GIPC1: variants seen among roughly 807,000 people sequenced by gnomAD.
GIPC1 encodes PDZ domain-containing protein GIPC1.
Under a neutral mutation model 28.5 loss-of-function variants are expected in GIPC1, and 15 were observed. The ratio of observed to expected loss-of-function variants is 0.53; its 90% CI spans 0.35 to 0.81. The LOEUF (loss-of-function observed/expected upper bound fraction) is 0.81, where lower values mean the gene tolerates loss of function less well. Among genes scored for constraint, GIPC1 ranks in the 30% least tolerant of loss-of-function variants. GIPC1 has a pLI of 0.01. For missense variants in GIPC1, 439 were observed against 481.9 expected (o/e 0.91, Z 0.83); for synonymous variants, 224 against 206.1 (o/e 1.09, Z -0.74).
chr19:14,480,444 G>C lies in GIPC1; in HGVS notation c.516C>G (p.Ile172Met), dbSNP rs936524656. ...TGGCCTCGATCATGTCGCCCACGCT[G>C]ATGAGGTGGATGTGGTCGATCACGC... ...EGSVIDHIHL[I>M]SVGDMIEAIN... The change falls in exon 6 of 9, where the codon ATC (isoleucine) becomes ATG (methionine). Residue 172 changes from isoleucine to methionine, a missense_variant. Ile to Met is a conservative substitution (Grantham distance 10). Coordinates refer to ENST00000393033, the MANE Select transcript of GIPC1 (RefSeq NM_005716.4). 1 of 1,613,786 alleles carries C rather than the reference G, an allele frequency of 6.2e-7. No homozygotes were observed. The highest frequency in any genetic ancestry group is 8.5e-7 in the Non-Finnish European group (1 of 1,179,820).
chr19:14,479,984 G>A, intron 6 of GIPC1: 1 of 502,496 alleles, frequency 2.0e-6, no homozygotes, highest in Non-Finnish European at 3.5e-6. Context: ...AGATGGAAAA[G>A]TGGGGGGGCT....
rs529043600 is a variant in GIPC1, at chr19:14,488,382, C to T, written c.-31+3274G>A. Among the ~76,000 whole-genome samples the T allele has an allele frequency of 1.9e-4, 29 of 150,730 alleles. No individual in the cohort carries two copies. The South Asian group carries it at 5.5e-3, about 28-fold the overall frequency. On this transcript the variant is annotated intron_variant, in intron 3 of 8. Coordinates refer to ENST00000393033, the MANE Select transcript of GIPC1 (RefSeq NM_005716.4). ...GGGAGAATCACTTGAATGCAGGAGG[C>T]GGAGGTTGCAGTGAGCCGAGATCAC...
intron 3 of GIPC1, among the ~76,000 whole-genome samples, chr19:14,484,247 T>C (rs1369321583): frequency 6.6e-6 from 1 of 151,650 alleles, no homozygotes; most frequent in Non-Finnish European, 1.5e-5. Context: ...GCGATTCTCT[T>C]GTCTCAGCCT....
chr19:14,478,615 A>G lies in GIPC1; in HGVS notation c.851-48T>C, dbSNP rs1173801737. 2 of 1,612,910 alleles carry G rather than the reference A, an allele frequency of 1.2e-6. No individual in the cohort carries two copies. The highest frequency in any genetic ancestry group is 2.2e-5 in the East Asian group (1 of 44,830). ...GGAGGCACAAATGACACCAGGGACC[A>G]AGGGGCTCAGGGTGGATTCGGCCCC... On this transcript the variant is annotated intron_variant, in intron 8 of 8. Transcript: ENST00000393033. This position sits in a 1 kb window ranked among gnomAD's most constrained non-coding sequence, Gnocchi z 5.2.
In GIPC1 at chr19:14,482,977, G is replaced by T; in HGVS notation, c.-1C>A. The T allele has an allele frequency of 6.2e-7, 1 of 1,609,956 alleles. No homozygotes were observed. ...TCCGCCGCCCCAGTCCCAGCGGCAT[G>T]AGCAGCGAGAAGTGGGGTCACCAGA... On this transcript the variant is annotated 5_prime_UTR_variant, in exon 4 of 9. Coordinates refer to ENST00000393033, the MANE Select transcript of GIPC1 (RefSeq NM_005716.4).
At chr19:14,487,877 T>G (rs1599358977) in intron 3 of GIPC1, among the ~76,000 whole-genome samples, 1 of 151,692 alleles carries the variant, frequency 6.6e-6, no homozygotes, top group South Asian at 2.1e-4. Context: ...GACAGGGTCT[T>G]GCTATGTTGT....
At chr19:14,482,314 G>GT in intron 4 of GIPC1, 1 of 319,674 alleles carries the variant, frequency 3.1e-6, no homozygotes, top group Non-Finnish European at 5.9e-6. Flanking sequence ...CTCAGTGCCT[G>GT]TTGGGAACTC....
At chr19:14,494,224 C>T (rs1342049701) in intron 1 of GIPC1, among the ~76,000 whole-genome samples, 1 of 152,108 alleles carries the variant, frequency 6.6e-6, no homozygotes, top group Admixed American at 6.6e-5. Flanking sequence ...TCCCAAAGTG[C>T]TGGGATTACA....
In GIPC1 at chr19:14,480,459, G is replaced by T; in HGVS notation, c.501C>A (p.Asp167Glu). The T allele has an allele frequency of 6.2e-7, 1 of 1,613,252 alleles. No individual in the cohort carries two copies. Among genetic ancestry groups the T allele is most frequent in the Admixed American group, 1.7e-5 (1 of 59,986 alleles). The part of the protein sequence containing the change: ...IKRIKEGSVI[D>E]HIHLISVGDM... The stretch of plus-strand genomic sequence containing the variant: ...CGCCCACGCTGATGAGGTGGATGTG[G>T]TCGATCACGCTGCCCTCCTTGATGC... Residue 167 changes from aspartate to glutamate, a missense_variant, in exon 6 of 9, where the codon GAC becomes GAA. Coordinates refer to ENST00000393033, the MANE Select transcript of GIPC1 (RefSeq NM_005716.4).
intron 1 of GIPC1, among the ~76,000 whole-genome samples, chr19:14,495,661 C>A (rs1212224851): frequency 2.6e-5 from 4 of 152,134 alleles, no homozygotes; most frequent in South Asian, 2.1e-4. Flanking sequence ...TGCGTCCCCC[C>A]CAAGGCCCTG....
Position 14,480,471 on chromosome 19 carries a change from G to C in GIPC1, c.489C>G (p.Gly163=), listed in dbSNP as rs554461287. The C allele has an allele frequency of 1.7e-5, 28 of 1,611,994 alleles. No homozygotes were observed. The South Asian group carries it at 3.1e-4, about 18-fold the overall frequency. The stretch of plus-strand genomic sequence containing the variant: ...TGAGGTGGATGTGGTCGATCACGCT[G>C]CCCTCCTTGATGCGCTGCGGGGGCG... The part of the protein sequence containing the change: ...GYAFIKRIKE[G]SVIDHIHLIS... The change falls in exon 6 of 9, where the codon GGC becomes GGG. Residue 163 remains glycine (G), a synonymous_variant. Coordinates refer to ENST00000393033, the MANE Select transcript of GIPC1 (RefSeq NM_005716.4).
intron 1 of GIPC1, among the ~76,000 whole-genome samples, chr19:14,494,778 T>C (rs945833826): frequency 6.6e-6 from 1 of 152,116 alleles, no homozygotes; most frequent in Admixed American, 6.6e-5. Context: ...CTCCCCACTT[T>C]CCCTGGCTCC....
intron 6 of GIPC1, chr19:14,480,042 G>A: frequency 1.7e-6 from 1 of 583,172 alleles, no homozygotes; most frequent in South Asian, 2.0e-5. Flanking sequence ...GGGCTGGCCA[G>A]GGCTGAGGGC....
intron 1 of GIPC1, among the ~76,000 whole-genome samples, chr19:14,493,618 C>T (rs555270006): frequency 1.6e-4 from 24 of 151,968 alleles, no homozygotes; most frequent in Non-Finnish European, 2.9e-4. Context: ...CCACCACATC[C>T]GGCTAATTTT....
At chr19:14,489,206 A>G (rs540566396) in intron 3 of GIPC1, among the ~76,000 whole-genome samples, 1 of 152,282 alleles carries the variant, frequency 6.6e-6, no homozygotes, top group South Asian at 2.1e-4. Flanking sequence ...TATAGGCATG[A>G]GCTACCACAC....
At chr19:14,489,524 T>C (rs781659994) in intron 3 of GIPC1, 13 of 888,174 alleles carry the variant, frequency 1.5e-5, no homozygotes, top group Non-Finnish European at 2.1e-5. Flanking sequence ...GATGAATGTG[T>C]GGAGATGGCG....
intron 4 of GIPC1, chr19:14,482,390 C>G: frequency 1.9e-6 from 1 of 519,028 alleles, no homozygotes; most frequent in Non-Finnish European, 3.5e-6. Context: ...GATGGGATGT[C>G]AGCATGCAGC....
chr19:14,482,662 C>A, intron 4 of GIPC1, 27 bp downstream of exon 4: 2 of 1,608,602 alleles, frequency 1.2e-6, no homozygotes, highest in Non-Finnish European at 8.5e-7. Flanking sequence ...CATCAGGGAC[C>A]CTGGTGCCCG....
Position 14,485,909 on chromosome 19 carries a change from T to C in GIPC1, c.-30-2903A>G, listed in dbSNP as rs2071834354. ...TCTCAGGCTCCGGAGTAGCTGGGAC[T>C]ACAAGTGCCCGCCACCATGCCCAGC... On this transcript the variant is annotated intron_variant, in intron 3 of 8. Coordinates refer to ENST00000393033, the MANE Select transcript of GIPC1 (RefSeq NM_005716.4). Among the ~76,000 whole-genome samples the C allele has an allele frequency of 1.3e-5, 2 of 151,824 alleles. 1 individual carries two copies. Among genetic ancestry groups the C allele is most frequent in the African/African-American group, 4.8e-5 (2 of 41,334 alleles).
Sources: gnomAD v4.1 joint callset for allele counts (sites outside exome capture counted in the v4.1 genomes callset) on GRCh38, gnomAD v4.1.1 for gene constraint, Gnocchi (gnomAD v3.1) non-coding constraint, MANE v1.5 for transcripts, NCBI Gene and HGNC (gene_info 2026-07-23, HGNC 2026-07-21) for gene names.